The following CCDC125 variants were observed in gnomAD, a reference collection of about 807,000 sequenced individuals.
The protein encoded by CCDC125 is coiled-coil domain containing 125.
In CCDC125, 43 loss-of-function variants were observed where a neutral mutation model predicts 57.4. The observed-to-expected ratio is 0.75, with a 90% confidence interval of 0.59 to 0.97. The LOEUF (loss-of-function observed/expected upper bound fraction) is 0.97, where lower values mean the gene tolerates loss of function less well. Among genes scored for constraint, CCDC125 ranks in the 50% least tolerant of loss-of-function variants. The pLI is 0.00. For missense variants in CCDC125, 563 were observed against 595.7 expected (o/e 0.95, Z 0.57); for synonymous variants, 187 against 195.2 (o/e 0.96, Z 0.35).
chr5:69,316,685 A>C (rs1759161870), intron 2 of CCDC125, among the ~76,000 whole-genome samples: 2 of 151,870 alleles, frequency 1.3e-5, no homozygotes, highest in Admixed American at 6.6e-5. Context: ...TAATTTTTAA[A>C]CTTTTTTTTG....
intron 8 of CCDC125, among the ~76,000 whole-genome samples, chr5:69,299,050 T>A (rs763980233): frequency 1.3e-5 from 2 of 152,210 alleles, no homozygotes; most frequent in Non-Finnish European, 2.9e-5. Context: ...CATCTGAACT[T>A]GCTCAGGACT....
chr5:69,324,685 T>C (rs978105268), intron 1 of CCDC125, among the ~76,000 whole-genome samples: 4 of 152,314 alleles, frequency 2.6e-5, no homozygotes, highest in East Asian at 1.9e-4. Context: ...TTCCGATATA[T>C]GCAATGAATT....
intron 1 of CCDC125, among the ~76,000 whole-genome samples, chr5:69,326,064 T>C (rs754208636): frequency 3.0e-4 from 45 of 152,084 alleles, no homozygotes; most frequent in Non-Finnish European, 5.1e-4. Flanking sequence ...CTTGAACTTT[T>C]GACCTCACGG....
intron 10 of CCDC125, among the ~76,000 whole-genome samples, chr5:69,290,204 C>A (rs528016621): frequency 6.6e-6 from 1 of 151,922 alleles, no homozygotes; most frequent in South Asian, 2.1e-4. Context: ...ACAGCTGACT[C>A]CTATACTATT....
At chr5:69,275,276 T>C (rs1471226010), downstream of CCDC125, among the ~76,000 whole-genome samples, 1 of 152,178 alleles carries the variant, frequency 6.6e-6, no homozygotes, top group Non-Finnish European at 1.5e-5. Context: ...TTTCTGTCCA[T>C]TTGCAATGGA....
intron 6 of CCDC125, among the ~76,000 whole-genome samples, chr5:69,305,149 A>G (rs1010521881): frequency 1.3e-5 from 2 of 152,228 alleles, no homozygotes; most frequent in African/African-American, 4.8e-5. Context: ...TCAAGTGTCC[A>G]TCAGGAATGA....
chr5:69,323,013 A>C (rs1760275781), intron 1 of CCDC125, among the ~76,000 whole-genome samples: 1 of 151,422 alleles, frequency 6.6e-6, no homozygotes, highest in African/African-American at 2.4e-5. Flanking sequence ...TATCTCAAAA[A>C]ATTTTTTGTT....
At position 69,308,408 on chromosome 5, in the gene CCDC125, TG is replaced by T. The variant is rs552316351; in HGVS notation, c.454-381del. ...ACCCGGTGGGAGATAATCTGAATCA[TG>T]GGGGTGGTTTTCCCCATACTGTTCT... On this transcript the variant is annotated intron_variant, in intron 4 of 11. Coordinates refer to ENST00000396496, the MANE Select transcript of CCDC125 (RefSeq NM_176816.5). 67 of 247,884 alleles carry T rather than the reference TG, an allele frequency of 2.7e-4. 1 individual carries two copies. The Middle Eastern group carries it at 4.6e-3, about 17-fold the overall frequency. 15.4% of individuals were successfully genotyped at this position (247,884 alleles called of 1,614,324 possible). A position where few individuals can be genotyped will look rare whatever the true frequency, so the allele number is the denominator to read the frequency against.
rs774625160 is a variant in CCDC125 at position 69,282,871 on chromosome 5, G to A, written c.1394C>T (p.Ser465Phe). Residue 465 changes from serine (S) to phenylalanine (F), a missense_variant, in exon 12 of 12, where the codon TCT (serine) becomes TTT (phenylalanine). Physicochemically the swap from Ser to Phe is radical, Grantham distance 155. Transcript: ENST00000396496. ...TGAATGTATAGGATCACCCAAAACA[G>A]AGAATTCTGAAGTCTTACGCCAGGG... Reference protein sequence around the residue: ...NNPWRKTSEFSVLGDPIHSSV... With the variant: ...NNPWRKTSEFFVLGDPIHSSV... The A allele has an allele frequency of 6.2e-7, 1 of 1,614,066 alleles. No individual in the cohort carries two copies. The highest frequency in any genetic ancestry group is 1.1e-5 in the South Asian group (1 of 91,088).
intron 1 of CCDC125, among the ~76,000 whole-genome samples, chr5:69,321,660 C>A (rs1760040502): frequency 6.6e-6 from 1 of 152,166 alleles, no homozygotes; most frequent in South Asian, 2.1e-4. Context: ...ATGGGACCAC[C>A]ACTGTCTATG....
At chr5:69,286,964 G>A (rs1753583091) in intron 10 of CCDC125, among the ~76,000 whole-genome samples, 2 of 149,034 alleles carry the variant, frequency 1.3e-5, no homozygotes, top group South Asian at 4.2e-4. Context: ...CTGGTAGTCT[G>A]GAGGATTGCT....
chr5:69,303,361 CTTTT>C (rs1003180857), intron 7 of CCDC125, among the ~76,000 whole-genome samples: 1 of 100,516 alleles, frequency 9.9e-6, no homozygotes, highest in African/African-American at 4.1e-5. Context: ...GAATTGTTCA[CTTTT>C]TTTTTTTTTT....
the CCDC125 span, among the ~76,000 whole-genome samples, chr5:69,273,489 C>T: frequency 0.6 from 91,665 of 152,028 alleles, 28,176 homozygotes; most frequent in African/African-American, 0.72. Flanking sequence ...GCTGATCATT[C>T]TCACATTGAG....
chr5:69,325,423 T>C (rs1760605702), intron 1 of CCDC125, among the ~76,000 whole-genome samples: 1 of 152,062 alleles, frequency 6.6e-6, no homozygotes, highest in Non-Finnish European at 1.5e-5. Flanking sequence ...ATTTATTCTT[T>C]ACAAACACTC....
At position 69,294,912 on chromosome 5, in the gene CCDC125, A is replaced by T; in HGVS notation, c.817-12T>A. On this transcript the variant is annotated splice_polypyrimidine_tract_variant and intron_variant, in intron 8 of 11. Transcript: ENST00000396496. Reference sequence around the variant, plus strand: ...CCGAGGACCGCAAGCTTTAAATTGAAAAGCATTGCTCCTGTTATTAAGTGT... The same window carrying T: ...CCGAGGACCGCAAGCTTTAAATTGATAAGCATTGCTCCTGTTATTAAGTGT... 6.2e-7 allele frequency: 1 copy of T among 1,606,264 alleles called. No homozygotes were observed.
chr5:69,297,910 C>A (rs1262337355), intron 8 of CCDC125, among the ~76,000 whole-genome samples: 1 of 151,684 alleles, frequency 6.6e-6, no homozygotes, highest in Non-Finnish European at 1.5e-5. Flanking sequence ...GAGGTCTAAG[C>A]TGCAGTGAGC....
At chr5:69,298,094 C>T (rs1294363772) in intron 8 of CCDC125, among the ~76,000 whole-genome samples, 1 of 151,568 alleles carries the variant, frequency 6.6e-6, no homozygotes, top group Non-Finnish European at 1.5e-5. Flanking sequence ...CGGCTCACTG[C>T]AACCTCTGCC....
chr5:69,306,225 C>G (rs1194464823), intron 6 of CCDC125, among the ~76,000 whole-genome samples: 1 of 151,860 alleles, frequency 6.6e-6, no homozygotes, highest in Non-Finnish European at 1.5e-5. Context: ...TCATGCCCAG[C>G]CCCTCAAAAG....
At chr5:69,301,834 T>C (rs1203484912) in intron 7 of CCDC125, among the ~76,000 whole-genome samples, 1 of 151,508 alleles carries the variant, frequency 6.6e-6, no homozygotes, top group Admixed American at 6.6e-5. Flanking sequence ...GAGGCAGAGG[T>C]CACAGTGAGC....
Sources: gnomAD v4.1 joint callset for allele counts (sites outside exome capture counted in the v4.1 genomes callset) on GRCh38, gnomAD v4.1.1 for gene constraint, MANE v1.5 for transcripts, NCBI Gene and HGNC (gene_info 2026-07-23, HGNC 2026-07-21) for gene names.